The following STARD13 variants were observed in gnomAD, a reference collection of about 807,000 sequenced individuals.
STARD13 encodes StAR related lipid transfer domain containing 13, also known as stAR-related lipid transfer protein 13.
In STARD13, 62 loss-of-function variants were observed where a neutral mutation model predicts 106.4. The ratio of observed to expected loss-of-function variants is 0.58; its 90% CI spans 0.48 to 0.72. STARD13 has a LOEUF of 0.72. Ranked by LOEUF, STARD13 falls within the 30% of genes least tolerant of loss-of-function variation. STARD13 has a pLI of 0.00. For missense variants in STARD13, 1,387 were observed against 1,424.0 expected, an observed-to-expected ratio of 0.97 and a Z score of 0.42; for synonymous variants, 565 against 553.0, an observed-to-expected ratio of 1.02 and a Z score of -0.31.
At chr13:33,200,561 T>A (rs958620700) in intron 1 of STARD13, among the ~76,000 whole-genome samples, 1 of 152,270 alleles carries the variant, frequency 6.6e-6, no homozygotes, top group Non-Finnish European at 1.5e-5. Flanking sequence ...TGTGCTTGGC[T>A]GTTGCCCTAC....
chr13:33,179,629 G>A (rs1425003184), intron 1 of STARD13, among the ~76,000 whole-genome samples: 2 of 152,190 alleles, frequency 1.3e-5, no homozygotes, highest in African/African-American at 2.4e-5. Flanking sequence ...GCTGGTAGGT[G>A]CTGAAGGTGA....
At chr13:33,439,794 G>T in the STARD13 span, 1 of 793,572 alleles carries the variant, frequency 1.3e-6, no homozygotes, top group Non-Finnish European at 1.8e-6. Flanking sequence ...TTGAGTTTGA[G>T]ACAAAAAATA....
At chr13:33,377,448 C>T in the STARD13 span, among the ~76,000 whole-genome samples, 2 of 152,122 alleles carry the variant, frequency 1.3e-5, no homozygotes, top group African/African-American at 4.8e-5. Flanking sequence ...GGTCAAAGGT[C>T]TTTTATCTAT....
At position 33,268,821 on chromosome 13, in the gene STARD13, CA is replaced by C. The variant is rs1165256640; in HGVS notation, c.169+16648del. 2.0e-5 allele frequency among the ~76,000 whole-genome samples: 3 copies of C among 152,312 alleles called. No homozygotes were observed. The East Asian group carries it at 5.8e-4, about 29-fold the overall frequency. On this transcript the variant is annotated intron_variant, in intron 1 of 13. Coordinates refer to ENST00000336934, the MANE Select transcript of STARD13 (RefSeq NM_178006.4). ...TAATAACTCCATGTCAGATTATTAGCATCAATCACAAAACATGGTAATTTAT... is the reference window on the plus strand; with the variant it reads ...TAATAACTCCATGTCAGATTATTAGCTCAATCACAAAACATGGTAATTTAT...
chr13:33,242,273 G>C (rs1038925072), intron 1 of STARD13, among the ~76,000 whole-genome samples: 3 of 152,190 alleles, frequency 2.0e-5, no homozygotes, highest in Non-Finnish European at 4.4e-5. Context: ...CATTGACAAC[G>C]GGCCATGATG....
intron 1 of STARD13, among the ~76,000 whole-genome samples, chr13:33,308,448 C>A (rs1892995493): frequency 6.6e-6 from 1 of 151,642 alleles, no homozygotes; most frequent in South Asian, 2.1e-4. Flanking sequence ...ACTTGAGCCC[C>A]ACTAATTACT....
At chr13:33,474,557 G>T in the STARD13 span, among the ~76,000 whole-genome samples, 1 of 152,124 alleles carries the variant, frequency 6.6e-6, no homozygotes, top group Admixed American at 6.5e-5. Context: ...ATAAGTCCAA[G>T]AATTTTTCAA....
At chr13:33,630,215 C>T in the STARD13 span, among the ~76,000 whole-genome samples, 1 of 152,212 alleles carries the variant, frequency 6.6e-6, no homozygotes, top group African/African-American at 2.4e-5. Flanking sequence ...AAAGCAGCTG[C>T]TGATCCAGAT....
chr13:33,319,712 G>T (rs9563337), intron 1 of STARD13, among the ~76,000 whole-genome samples: 1 of 151,868 alleles, frequency 6.6e-6, no homozygotes, highest in Non-Finnish European at 1.5e-5. Flanking sequence ...CTGTCCAGTC[G>T]TTAGTGAGGT....
chr13:33,453,680 T>C, the STARD13 span, among the ~76,000 whole-genome samples: 1 of 152,220 alleles, frequency 6.6e-6, no homozygotes, highest in Admixed American at 6.5e-5. Flanking sequence ...GACCAAAACA[T>C]AGTTTAACAA....
chr13:33,501,445 A>T, the STARD13 span, among the ~76,000 whole-genome samples: 1 of 152,058 alleles, frequency 6.6e-6, no homozygotes, highest in Non-Finnish European at 1.5e-5. Context: ...TGTTTTAGTC[A>T]TGAAATCCTT....
chr13:33,567,498 A>G, the STARD13 span, among the ~76,000 whole-genome samples: 23,375 of 147,914 alleles, frequency 0.16, 4,397 homozygotes, highest in East Asian at 0.32. Context: ...CCAAACGTAC[A>G]CATTTATAAT....
At chr13:33,507,264 A>T in the STARD13 span, among the ~76,000 whole-genome samples, 1 of 152,328 alleles carries the variant, frequency 6.6e-6, no homozygotes, top group African/African-American at 2.4e-5. Context: ...AGTGTAAAAA[A>T]TAGTAATGAA....
the STARD13 span, among the ~76,000 whole-genome samples, chr13:33,459,196 A>G: frequency 6.6e-6 from 1 of 152,092 alleles, no homozygotes; most frequent in African/African-American, 2.4e-5. Context: ...AAGGTAATAA[A>G]CATCTCTTCC....
intron 1 of STARD13, among the ~76,000 whole-genome samples, chr13:33,170,455 T>C (rs1398223570): frequency 1.3e-5 from 2 of 152,202 alleles, no homozygotes; most frequent in East Asian, 3.8e-4. Context: ...GACAGCAACA[T>C]GGATAACGAA....
the STARD13 span, among the ~76,000 whole-genome samples, chr13:33,382,708 G>T: frequency 6.6e-6 from 1 of 152,104 alleles, no homozygotes; most frequent in South Asian, 2.1e-4. Flanking sequence ...AGAAAAATGC[G>T]ATTCCATTGG....
At position 33,136,772 on chromosome 13, in the gene STARD13, C is replaced by T. The variant is rs150555409; in HGVS notation, c.387+5538G>A. Reference sequence around the variant, plus strand: ...CGCTCAATAAAAATTCTTCTCCACCCTCCTCACCCTTTAATTGTCAGTGTA... The same window carrying T: ...CGCTCAATAAAAATTCTTCTCCACCTTCCTCACCCTTTAATTGTCAGTGTA... On this transcript the variant is annotated intron_variant, in intron 4 of 13. Transcript: ENST00000336934. Among the ~76,000 whole-genome samples, 1,283 of 152,306 alleles carry T rather than the reference C, an allele frequency of 8.4e-3. 20 individuals are homozygous for T. Among genetic ancestry groups the T allele is most frequent in the African/African-American group, 0.029 (1,224 of 41,566 alleles).
rs571321683 is a variant in STARD13, at chr13:33,146,505, C to T, written c.324-4132G>A. On this transcript the variant is annotated intron_variant, in intron 3 of 13. Coordinates refer to ENST00000336934, the MANE Select transcript of STARD13 (RefSeq NM_178006.4). ...TAGCTGAAAAAATAAAGTTTTATGTCACGATTGTGGTGATAGTTACATAGC... is the reference window on the plus strand; with the variant it reads ...TAGCTGAAAAAATAAAGTTTTATGTTACGATTGTGGTGATAGTTACATAGC... Among the ~76,000 whole-genome samples, 6 of 152,258 alleles carry T rather than the reference C, an allele frequency of 3.9e-5. No individual in the cohort carries two copies. The East Asian group carries it at 9.6e-4, about 24-fold the overall frequency.
chr13:33,312,839 A>G (rs923765115), intron 1 of STARD13, among the ~76,000 whole-genome samples: 2 of 152,240 alleles, frequency 1.3e-5, no homozygotes, highest in Non-Finnish European at 2.9e-5. Flanking sequence ...TAACAACAAC[A>G]TTTGTAATAA....
Sources: gnomAD v4.1 joint callset for allele counts (sites outside exome capture counted in the v4.1 genomes callset) on GRCh38, gnomAD v4.1.1 for gene constraint, MANE v1.5 for transcripts, NCBI Gene and HGNC (gene_info 2026-07-23, HGNC 2026-07-21) for gene names.